The following CAND1 variants were observed in gnomAD, a reference collection of about 807,000 sequenced individuals.
The protein encoded by CAND1 is cullin associated and neddylation dissociated 1.
CAND1 carries 7 observed loss-of-function variants against 108.5 expected under a neutral mutation model. The ratio of observed to expected loss-of-function variants is 0.06; its 90% confidence interval spans 0.04 to 0.12. The LOEUF is 0.12. Among genes scored for constraint, CAND1 ranks in the 10% least tolerant of loss-of-function variants. The pLI is 1.00. For missense variants in CAND1, 941 were observed against 1,448.7 expected (o/e 0.65, Z 5.69); for synonymous variants, 534 against 512.0 (o/e 1.04, Z -0.58).
chr12:67,286,790 C>G (rs2044676166), intron 2 of CAND1, among the ~76,000 whole-genome samples: 1 of 152,026 alleles, frequency 6.6e-6, no homozygotes, highest in Non-Finnish European at 1.5e-5. Flanking sequence ...TTTAGCTTTA[C>G]TTTTAGTTCT....
At chr12:67,269,971 C>T (rs1041909966) in intron 1 of CAND1, 186 bp downstream of exon 1, 2 of 551,112 alleles carry the variant, frequency 3.6e-6, no homozygotes, top group South Asian at 2.5e-5. Context: ...TCTTGCAACC[C>T]CCTCCCCCCA....
intron 4 of CAND1, among the ~76,000 whole-genome samples, chr12:67,296,917 C>A (rs1215716429): frequency 1.3e-5 from 2 of 152,096 alleles, no homozygotes; most frequent in Non-Finnish European, 2.9e-5. Context: ...CCCACTTCAG[C>A]CTCCTGAGCA....
intron 8 of CAND1, among the ~76,000 whole-genome samples, chr12:67,303,166 G>A (rs1169565869): frequency 1.3e-5 from 2 of 152,060 alleles, no homozygotes; most frequent in African/African-American, 2.4e-5. Context: ...CTAAACATTA[G>A]AGCTATTATA....
rs967521931 is a variant in CAND1 at position 67,314,333 on chromosome 12, G to A, written c.*1503G>A. Reference sequence around the variant, plus strand: ...TGATTTTAAATGATAACATACTGTGGTTATTAGATTAACAGCTTGATTTTG... The same window carrying A: ...TGATTTTAAATGATAACATACTGTGATTATTAGATTAACAGCTTGATTTTG... On this transcript the variant is annotated 3_prime_UTR_variant, in exon 15 of 15. Coordinates refer to ENST00000545606, the MANE Select transcript of CAND1 (RefSeq NM_018448.5). 1 of 152,102 alleles carries A rather than the reference G, an allele frequency of 6.6e-6. No individual in the cohort carries two copies. The highest frequency in any genetic ancestry group is 2.4e-5 in the African/African-American group (1 of 41,424). The allele number at this position is 152,102 out of a possible 1,614,324, so 9.4% of individuals were successfully genotyped here.
rs1215911802 is a variant in CAND1, at chr12:67,292,712, A to G, written c.303A>G (p.Gln101=). The change falls in exon 3 of 15, where the codon CAA becomes CAG. Residue 101 remains glutamine, a synonymous_variant. Coordinates refer to ENST00000545606, the MANE Select transcript of CAND1 (RefSeq NM_018448.5). ...CTAACATGCTTTCTGATAAAGAACA[A>G]CTTCGAGACATTTCAAGTATTGGTC... The part of the protein sequence containing the change: ...LCTNMLSDKE[Q]LRDISSIGLK... 2.5e-6 allele frequency: 4 copies of G among 1,613,786 alleles called. No homozygotes were observed. The Admixed American group carries it at 5.0e-5, about 20-fold the overall frequency.
chr12:67,295,220 C>G (rs2044758411), intron 4 of CAND1, 64 bp downstream of exon 4: 3 of 1,395,406 alleles, frequency 2.1e-6, no homozygotes, highest in Non-Finnish European at 1.9e-6. Context: ...TACTAAAAAC[C>G]CTTTCTAGTA....
intron 1 of CAND1, among the ~76,000 whole-genome samples, chr12:67,280,193 C>T (rs1365639065): frequency 2.0e-5 from 3 of 152,072 alleles, no homozygotes; most frequent in African/African-American, 7.2e-5. Flanking sequence ...TTTTACAGAA[C>T]GTGGTAAGAA....
At chr12:67,286,440 C>G (rs959249526) in intron 2 of CAND1, among the ~76,000 whole-genome samples, 11 of 152,190 alleles carry the variant, frequency 7.2e-5, no homozygotes, top group African/African-American at 2.7e-4. Flanking sequence ...CACATTCTCA[C>G]CAGCCATTTG....
chr12:67,285,292 C>CAG (rs1777585250), intron 2 of CAND1, among the ~76,000 whole-genome samples: 1 of 152,144 alleles, frequency 6.6e-6, no homozygotes. Context: ...CTTGAACAAG[C>CAG]AGAGAGATAT....
intron 6 of CAND1, 47 bp downstream of exon 6, chr12:67,297,900 A>G (rs1223487631): frequency 8.7e-7 from 1 of 1,142,864 alleles, no homozygotes; most frequent in Non-Finnish European, 1.3e-6. Context: ...TTTCCTTAAG[A>G]GTAGAATCAT....
intron 2 of CAND1, among the ~76,000 whole-genome samples, chr12:67,290,092 T>C (rs2044708587): frequency 6.6e-6 from 1 of 152,254 alleles, no homozygotes. Context: ...CATCTGCCTT[T>C]TGTATAAAGC....
chr12:67,303,086 C>T (rs1281297197), intron 8 of CAND1, among the ~76,000 whole-genome samples: 3 of 152,156 alleles, frequency 2.0e-5, no homozygotes, highest in Non-Finnish European at 4.4e-5. Context: ...TACATATATG[C>T]TTGATATATG....
intron 1 of CAND1, among the ~76,000 whole-genome samples, chr12:67,272,310 A>G: frequency 6.6e-6 from 1 of 152,244 alleles, no homozygotes; most frequent in Non-Finnish European, 1.5e-5. Flanking sequence ...CTTTGTTATG[A>G]ACTGTAAGAT....
At chr12:67,271,968 A>G (rs1306998796) in intron 1 of CAND1, among the ~76,000 whole-genome samples, 1 of 152,224 alleles carries the variant, frequency 6.6e-6, no homozygotes, top group Admixed American at 6.5e-5. Context: ...AAGAATTTTG[A>G]AATTTTTTCT....
At chr12:67,307,308 C>T (rs1399675987) in intron 10 of CAND1, 89 bp from the exon 11 acceptor site, 12 of 843,252 alleles carry the variant, frequency 1.4e-5, no homozygotes, top group Non-Finnish European at 1.8e-5. Flanking sequence ...GCATTGAAGA[C>T]ACTGGTGTTA....
At chr12:67,304,888 A>G (rs577602752) in intron 9 of CAND1, 142 bp downstream of exon 9, 9 of 1,047,530 alleles carry the variant, frequency 8.6e-6, no homozygotes, top group Middle Eastern at 2.6e-4. Context: ...TAATCTAACA[A>G]TCTTGAATAC....
At chr12:67,291,760 A>G (rs2044724252) in intron 2 of CAND1, among the ~76,000 whole-genome samples, 3 of 152,188 alleles carry the variant, frequency 2.0e-5, no homozygotes. Flanking sequence ...CCACCATGGC[A>G]CTCAAAGGGT....
At chr12:67,273,130 TA>T (rs1334401299) in intron 1 of CAND1, among the ~76,000 whole-genome samples, 2 of 152,234 alleles carry the variant, frequency 1.3e-5, no homozygotes, top group Non-Finnish European at 2.9e-5. Flanking sequence ...GAAAAGTTAT[TA>T]ATGAATGCCA....
At chr12:67,281,827 A>G (rs1437086285) in intron 1 of CAND1, 83 bp from the exon 2 acceptor site, 9 of 855,774 alleles carry the variant, frequency 1.1e-5, no homozygotes, top group Non-Finnish European at 1.6e-5. Flanking sequence ...AGTGAATGGT[A>G]TAGCAGTGGA....
Sources: gnomAD v4.1 joint callset for allele counts (sites outside exome capture counted in the v4.1 genomes callset) on GRCh38, gnomAD v4.1.1 for gene constraint, MANE v1.5 for transcripts, NCBI Gene and HGNC (gene_info 2026-07-23, HGNC 2026-07-21) for gene names.